Variants in LCORL observed in about 807,000 individuals in gnomAD.
LCORL encodes ligand dependent nuclear receptor corepressor like.
Under a neutral mutation model 141.8 loss-of-function variants are expected in LCORL, and 41 were observed. The observed-to-expected ratio is 0.29, with a 90% CI of 0.23 to 0.38. The LOEUF is 0.38. Ranked by LOEUF, LCORL falls within the 10% of genes least tolerant of loss-of-function variation. LCORL has a pLI of 1.00. For synonymous variants in LCORL, 618 were observed against 694.1 expected (o/e 0.89, Z 1.72); for missense variants, 1,759 against 2,035.0 (o/e 0.86, Z 2.61).
intron 5 of LCORL, among the ~76,000 whole-genome samples, chr4:17,904,338 C>T (rs1027064744): frequency 2.0e-5 from 3 of 151,952 alleles, no homozygotes; most frequent in Admixed American, 2.0e-4. Flanking sequence ...TAGCTGAATG[C>T]TTTCTAGATA....
At chr4:17,904,962 A>C (rs895676540) in intron 5 of LCORL, among the ~76,000 whole-genome samples, 1 of 152,158 alleles carries the variant, frequency 6.6e-6, no homozygotes, top group Non-Finnish European at 1.5e-5. Context: ...ACATTCATTT[A>C]AAGTATAATC....
At chr4:17,914,666 T>C (rs1445090630) in intron 4 of LCORL, among the ~76,000 whole-genome samples, 1 of 152,194 alleles carries the variant, frequency 6.6e-6, no homozygotes, top group African/African-American at 2.4e-5. Flanking sequence ...ACTGAAGATC[T>C]AGATGTAGGT....
intron 4 of LCORL, among the ~76,000 whole-genome samples, chr4:17,940,801 T>C (rs979931772): frequency 1.3e-5 from 2 of 152,016 alleles, no homozygotes; most frequent in South Asian, 2.1e-4. Context: ...CTATGAACTT[T>C]TGGGCAAACT....
intron 4 of LCORL, among the ~76,000 whole-genome samples, chr4:17,916,558 C>T (rs1366025268): frequency 1.3e-5 from 2 of 151,916 alleles, no homozygotes; most frequent in Non-Finnish European, 1.5e-5. Flanking sequence ...TCCTGAGGTC[C>T]TTACCAGAGC....
chr4:17,937,150 T>G (rs1342080606), intron 4 of LCORL, among the ~76,000 whole-genome samples: 5 of 152,192 alleles, frequency 3.3e-5, no homozygotes, highest in African/African-American at 9.6e-5. Flanking sequence ...CATTTCTTAA[T>G]GCCAAAATAA....
intron 6 of LCORL, among the ~76,000 whole-genome samples, chr4:17,879,461 G>A (rs904955463): frequency 4.0e-4 from 60 of 150,986 alleles, no homozygotes; most frequent in Non-Finnish European, 7.1e-4. Flanking sequence ...AACAAAGTGA[G>A]AAGAGATGTG....
At chr4:17,958,061 G>A (rs564961810) in intron 4 of LCORL, among the ~76,000 whole-genome samples, 5 of 152,014 alleles carry the variant, frequency 3.3e-5, no homozygotes, top group African/African-American at 1.2e-4. Flanking sequence ...TCATGCTAGA[G>A]TACAAAACAA....
chr4:17,947,995 A>C lies in LCORL; in HGVS notation c.430+13908T>G, dbSNP rs757625187. Among the ~76,000 whole-genome samples, 9 of 152,046 alleles carry C rather than the reference A, an allele frequency of 5.9e-5. 1 individual carries two copies. The highest frequency in any genetic ancestry group is 1.0e-4 in the Non-Finnish European group (7 of 67,924). ...ATGATTTAGAGTTTATCAAGCAAAC[A>C]GGAAATGAGAAGCAGCAAAAACACT... On this transcript the variant is annotated intron_variant, in intron 4 of 7. Coordinates refer to ENST00000635767, the Ensembl canonical transcript of LCORL.
chr4:17,966,232 A>T (rs1381588076), intron 2 of LCORL, among the ~76,000 whole-genome samples: 5 of 152,108 alleles, frequency 3.3e-5, no homozygotes, highest in Non-Finnish European at 7.4e-5. Context: ...TGGGGAAAAA[A>T]ATCAGTAAAA....
intron 6 of LCORL, chr4:17,883,407 C>T (rs1727843151): frequency 9.2e-7 from 1 of 1,083,490 alleles, no homozygotes; most frequent in South Asian, 4.4e-5. Context: ...CGTTTTCCCA[C>T]AACGCTTTAT....
intron 1 of LCORL, among the ~76,000 whole-genome samples, chr4:17,984,784 T>C (rs1215242253): frequency 6.6e-6 from 1 of 152,130 alleles, no homozygotes; most frequent in African/African-American, 2.4e-5. Flanking sequence ...ATTTTGGTTA[T>C]TTCTTGTTTT....
chr4:17,971,424 A>C (rs1417661695), intron 2 of LCORL, among the ~76,000 whole-genome samples: 1 of 151,860 alleles, frequency 6.6e-6, no homozygotes, highest in Non-Finnish European at 1.5e-5. Flanking sequence ...AATATAAAAT[A>C]TTAAATAGCC....
At chr4:17,992,652 GT>G (rs984976199) in intron 1 of LCORL, among the ~76,000 whole-genome samples, 3 of 152,086 alleles carry the variant, frequency 2.0e-5, no homozygotes, top group Non-Finnish European at 2.9e-5. Context: ...ATTATTATCA[GT>G]CAAGGAGCAA....
chr4:17,978,096 AT>A (rs1321429262), intron 1 of LCORL, among the ~76,000 whole-genome samples: 2 of 152,164 alleles, frequency 1.3e-5, no homozygotes, highest in African/African-American at 2.4e-5. Context: ...CTTCTTTGCA[AT>A]TTCGATCATC....
At chr4:18,001,202 C>T (rs1721899301) in intron 1 of LCORL, among the ~76,000 whole-genome samples, 1 of 152,194 alleles carries the variant, frequency 6.6e-6, no homozygotes, top group South Asian at 2.1e-4. Flanking sequence ...AAAAAGGATT[C>T]AGTGTATGCT....
intron 1 of LCORL, among the ~76,000 whole-genome samples, chr4:17,992,059 C>T (rs912940960): frequency 2.0e-5 from 3 of 152,236 alleles, no homozygotes; most frequent in Admixed American, 2.0e-4. Context: ...TTTTGATATT[C>T]CCTAATCTGC....
intron 5 of LCORL, among the ~76,000 whole-genome samples, chr4:17,897,691 GTTC>G (rs1485357354): frequency 1.3e-5 from 2 of 152,072 alleles, no homozygotes; most frequent in Admixed American, 1.3e-4. Flanking sequence ...CACCGAAATT[GTTC>G]TTCTACTGAT....
intron 4 of LCORL, among the ~76,000 whole-genome samples, chr4:17,942,216 C>T (rs1738088570): frequency 6.6e-6 from 1 of 152,134 alleles, no homozygotes. Flanking sequence ...TAGAGTGAAA[C>T]CCAAATAAGG....
intron 5 of LCORL, among the ~76,000 whole-genome samples, chr4:17,907,476 G>T (rs1322574435): frequency 6.6e-6 from 1 of 152,148 alleles, no homozygotes; most frequent in Non-Finnish European, 1.5e-5. Flanking sequence ...ACATACCAAA[G>T]CCTATGTTCT....
Sources: allele counts gnomAD v4.1 joint callset (sites outside exome capture counted in the v4.1 genomes callset), GRCh38; gene constraint gnomAD v4.1.1; transcripts MANE v1.5; gene names NCBI Gene and HGNC (gene_info 2026-07-23, HGNC 2026-07-21).